UHRF2: variants seen among roughly 807,000 people sequenced by gnomAD.
UHRF2 encodes ubiquitin like with PHD and ring finger domains 2, also known as E3 ubiquitin-protein ligase UHRF2.
In UHRF2, 23 loss-of-function variants were observed where a neutral mutation model predicts 96.8. That is an observed-to-expected ratio of 0.24 (90% CI 0.17 to 0.34). The LOEUF is 0.34. Among genes scored for constraint, UHRF2 ranks in the 10% least tolerant of loss-of-function variants. The pLI is 1.00. For synonymous variants in UHRF2, 385 were observed against 332.6 expected, an observed-to-expected ratio of 1.16 and a Z score of -1.72; for missense variants, 685 against 981.5, an observed-to-expected ratio of 0.70 and a Z score of 4.04.
chr9:6,477,825 TTTG>T lies in UHRF2; in HGVS notation c.1160+29_1160+31del, dbSNP rs766476251. On this transcript the variant is annotated intron_variant, in intron 6 of 15. Coordinates refer to ENST00000276893, the MANE Select transcript of UHRF2 (RefSeq NM_152896.3). The stretch of plus-strand genomic sequence containing the variant: ...GGAATACTGGTATGATTATCAGGTT[TTTG>T]TTGTTGTTGTTCTTGCTGTGTAAAC... The T allele has an allele frequency of 2.0e-5, 31 of 1,564,326 alleles. No homozygotes were observed. Among genetic ancestry groups the T allele is most frequent in the South Asian group, 2.4e-5 (2 of 84,926 alleles).
intron 3 of UHRF2, among the ~76,000 whole-genome samples, chr9:6,453,386 T>C (rs1821985661): frequency 6.6e-6 from 1 of 152,226 alleles, no homozygotes; most frequent in Non-Finnish European, 1.5e-5. Context: ...GATGATAATG[T>C]GTTGTCCAAG....
chr9:6,416,746 C>G (rs894534871), intron 1 of UHRF2, among the ~76,000 whole-genome samples: 1 of 151,196 alleles, frequency 6.6e-6, no homozygotes, highest in Admixed American at 6.6e-5. Context: ...TCACCGTGGT[C>G]TCGATCTCCT....
chr9:6,452,571 C>G (rs1166924645), intron 3 of UHRF2, among the ~76,000 whole-genome samples: 1 of 152,100 alleles, frequency 6.6e-6, no homozygotes, highest in Non-Finnish European at 1.5e-5. Context: ...TGGGCCTAGT[C>G]TGAGAAAGGT....
At chr9:6,450,287 T>G (rs952722401) in intron 3 of UHRF2, among the ~76,000 whole-genome samples, 1 of 150,368 alleles carries the variant, frequency 6.7e-6, no homozygotes, top group African/African-American at 2.5e-5. Flanking sequence ...AGTCTCTATC[T>G]ACAGATTTCT....
At chr9:6,430,172 G>C (rs1432643824) in intron 2 of UHRF2, among the ~76,000 whole-genome samples, 1 of 152,072 alleles carries the variant, frequency 6.6e-6, no homozygotes, top group Non-Finnish European at 1.5e-5. Flanking sequence ...CACCATGCCC[G>C]GCTAATTTTG....
intron 3 of UHRF2, among the ~76,000 whole-genome samples, chr9:6,450,534 C>T (rs1821796160): frequency 6.6e-6 from 1 of 152,140 alleles, no homozygotes; most frequent in African/African-American, 2.4e-5. Flanking sequence ...TCAGGAGACA[C>T]ATAATACTTT....
intron 4 of UHRF2, among the ~76,000 whole-genome samples, chr9:6,465,870 C>G (rs1822829336): frequency 1.3e-5 from 2 of 152,060 alleles, no homozygotes; most frequent in South Asian, 4.1e-4. Context: ...AGTACATATG[C>G]TTGAACTGTC....
intron 3 of UHRF2, among the ~76,000 whole-genome samples, chr9:6,440,706 C>G (rs1021830743): frequency 7.2e-5 from 11 of 152,162 alleles, no homozygotes; most frequent in African/African-American, 2.7e-4. Flanking sequence ...AAATCTTTAT[C>G]CTGCTTTTGT....
At chr9:6,430,170 C>G (rs1426919442) in intron 2 of UHRF2, among the ~76,000 whole-genome samples, 3 of 152,128 alleles carry the variant, frequency 2.0e-5, no homozygotes, top group African/African-American at 7.2e-5. Context: ...GCCACCATGC[C>G]CGGCTAATTT....
intron 6 of UHRF2, among the ~76,000 whole-genome samples, chr9:6,479,357 G>T (rs181880880): frequency 8.3e-4 from 126 of 152,188 alleles, no homozygotes; most frequent in African/African-American, 2.8e-3. Flanking sequence ...CTGTTTTATA[G>T]ATTTGAGATC....
chr9:6,494,158 A>T (rs1824833650), intron 10 of UHRF2: 1 of 414,502 alleles, frequency 2.4e-6, no homozygotes, highest in Admixed American at 4.2e-5. Flanking sequence ...TACATGTGAT[A>T]TGCATTTGAA....
chr9:6,416,484 CG>C (rs1389256878), intron 1 of UHRF2, among the ~76,000 whole-genome samples: 1 of 140,924 alleles, frequency 7.1e-6, no homozygotes, highest in Non-Finnish European at 1.5e-5. Flanking sequence ...TTGAGGCACG[CG>C]GGGGATTGGG....
At chr9:6,477,860 T>TA (rs1363612565) in intron 6 of UHRF2, 52 bp downstream of exon 6, 1 of 1,463,196 alleles carries the variant, frequency 6.8e-7, no homozygotes, top group Admixed American at 2.1e-5. Context: ...AAACATGAAA[T>TA]ATGTATTTGA....
chr9:6,421,181 A>T, intron 2 of UHRF2, 39 bp downstream of exon 2: 1 of 1,423,696 alleles, frequency 7.0e-7, no homozygotes, highest in Non-Finnish European at 9.7e-7. Flanking sequence ...GTGAGAATAC[A>T]AATAAATTTA....
In UHRF2 at chr9:6,477,628, A is replaced by G. The variant is rs1408560772; in HGVS notation, c.980A>G (p.Asn327Ser). The G allele has an allele frequency of 1.9e-6, 3 of 1,605,096 alleles. No individual in the cohort carries two copies. The highest frequency in any genetic ancestry group is 2.6e-6 in the Non-Finnish European group (3 of 1,175,634). The change falls in exon 6 of 16, where the codon AAT becomes AGT. Residue 327 changes from asparagine (N) to serine (S), a missense_variant. Asn to Ser is a conservative substitution (Grantham distance 46). Around this residue, in one of 6 missense-constraint regions of UHRF2, gnomAD observed 391 missense variants for 437.0 expected, o/e 0.89. Coordinates refer to ENST00000276893, the MANE Select transcript of UHRF2 (RefSeq NM_152896.3). The stretch of plus-strand genomic sequence containing the variant: ...ATAATTTTGTTCTTAATAGGGCGAA[A>G]TGACCCTGAATGTGACCTGTGTGGT... Reference protein sequence around the residue: ...SFADGKFLRRNDPECDLCGGD... With the variant: ...SFADGKFLRRSDPECDLCGGD...
chr9:6,425,004 T>C (rs550166425), intron 2 of UHRF2, among the ~76,000 whole-genome samples: 1 of 152,186 alleles, frequency 6.6e-6, no homozygotes, highest in Non-Finnish European at 1.5e-5. Context: ...TTAACACTGA[T>C]GTGAACCTTA....
At chr9:6,465,848 T>G (rs1317618163) in intron 4 of UHRF2, among the ~76,000 whole-genome samples, 2 of 152,230 alleles carry the variant, frequency 1.3e-5, no homozygotes, top group African/African-American at 4.8e-5. Context: ...TTTTAATTTG[T>G]GAGTACCAAA....
intron 12 of UHRF2, chr9:6,498,840 C>T (rs1160324250): frequency 6.6e-6 from 1 of 152,330 alleles, no homozygotes; most frequent in African/African-American, 2.4e-5. Context: ...CCCGTAAAAA[C>T]TGCCAGCTTT....
At chr9:6,437,561 A>T (rs1022543297) in intron 3 of UHRF2, among the ~76,000 whole-genome samples, 2 of 151,984 alleles carry the variant, frequency 1.3e-5, no homozygotes, top group Non-Finnish European at 2.9e-5. Context: ...GTAAGCTCCA[A>T]GTGAGTCGAT....
Sources: allele counts gnomAD v4.1 joint callset (sites outside exome capture counted in the v4.1 genomes callset), GRCh38; gene constraint gnomAD v4.1.1; regional missense constraint gnomAD v4.1.1; transcripts MANE v1.5; gene names NCBI Gene and HGNC (gene_info 2026-07-23, HGNC 2026-07-21).